CDK17: variants seen among roughly 807,000 people sequenced by gnomAD.
CDK17 encodes cyclin-dependent kinase 17.
In CDK17, 24 loss-of-function variants were observed where a neutral mutation model predicts 77.6. That is an observed-to-expected ratio of 0.31 (90% CI 0.22 to 0.44). CDK17 has a LOEUF of 0.44. Among genes scored for constraint, CDK17 ranks in the 20% least tolerant of loss-of-function variants. The pLI is 1.00. For synonymous variants in CDK17, 203 were observed against 210.4 expected, an observed-to-expected ratio of 0.96 and a Z score of 0.30; for missense variants, 429 against 622.5, an observed-to-expected ratio of 0.69 and a Z score of 3.31.
At chr12:96,331,844 T>C (rs1241601725) in intron 2 of CDK17, among the ~76,000 whole-genome samples, 2 of 152,208 alleles carry the variant, frequency 1.3e-5, no homozygotes, top group Non-Finnish European at 2.9e-5. Flanking sequence ...AGGACTGTGA[T>C]CATGCCTGTG....
intron 3 of CDK17, among the ~76,000 whole-genome samples, chr12:96,323,124 A>T (rs1038951756): frequency 2.0e-5 from 3 of 152,122 alleles, no homozygotes; most frequent in Non-Finnish European, 4.4e-5. Context: ...TTGTACTTGA[A>T]GTGATTTTAA....
At chr12:96,364,033 C>T (rs150161127) in intron 1 of CDK17, among the ~76,000 whole-genome samples, 1,596 of 152,264 alleles carry the variant, frequency 0.01, 49 homozygotes, top group Admixed American at 0.064. Flanking sequence ...CTCTTATACA[C>T]GTAACTTCTT....
At chr12:96,306,880 A>G (rs953348333) in intron 5 of CDK17, among the ~76,000 whole-genome samples, 1 of 152,188 alleles carries the variant, frequency 6.6e-6, no homozygotes, top group African/African-American at 2.4e-5. Context: ...TTTTTAATGT[A>G]TTTCCAAAAA....
chr12:96,334,967 T>G (rs1953022442), intron 1 of CDK17, 102 bp from the exon 2 acceptor site: 2 of 690,266 alleles, frequency 2.9e-6, no homozygotes, highest in Non-Finnish European at 2.6e-6. Flanking sequence ...AGGAATATAA[T>G]GAGGAATTCT....
chr12:96,396,433 G>A (rs1457333912), intron 1 of CDK17, among the ~76,000 whole-genome samples: 1 of 152,186 alleles, frequency 6.6e-6, no homozygotes, highest in Non-Finnish European at 1.5e-5. Context: ...TTGAATGCTA[G>A]TGAACTACAC....
At chr12:96,313,170 A>T (rs1326404531) in intron 4 of CDK17, 151 bp downstream of exon 4, 5 of 484,420 alleles carry the variant, frequency 1.0e-5, no homozygotes, top group Non-Finnish European at 1.8e-5. Context: ...ACAGACTGCA[A>T]TTTATGAATG....
chr12:96,349,170 G>A (rs761815797), intron 1 of CDK17, among the ~76,000 whole-genome samples: 5 of 152,162 alleles, frequency 3.3e-5, no homozygotes, highest in Non-Finnish European at 7.4e-5. Context: ...ATCAATTAAT[G>A]TAGCCAGGCG....
At chr12:96,398,000 A>G (rs1430065260) in intron 1 of CDK17, among the ~76,000 whole-genome samples, 1 of 152,168 alleles carries the variant, frequency 6.6e-6, no homozygotes, top group African/African-American at 2.4e-5. Context: ...ATCAACATTA[A>G]TGTCTCTATA....
chr12:96,317,822 T>C (rs779119507), intron 3 of CDK17, among the ~76,000 whole-genome samples: 196 of 150,238 alleles, frequency 1.3e-3, no homozygotes, highest in Non-Finnish European at 2.3e-3. Context: ...AAGGAACAAC[T>C]GGTACCAGCC....
chr12:96,358,976 G>A (rs1350643148), intron 1 of CDK17, among the ~76,000 whole-genome samples: 1 of 139,834 alleles, frequency 7.2e-6, no homozygotes, highest in Non-Finnish European at 1.6e-5. Flanking sequence ...CTGGTCAGAT[G>A]GCTTTTTTTT....
intron 3 of CDK17, among the ~76,000 whole-genome samples, chr12:96,322,940 T>C (rs1419680803): frequency 3.9e-5 from 6 of 152,152 alleles, no homozygotes; most frequent in Non-Finnish European, 8.8e-5. Context: ...AGATAAAGGC[T>C]ATATGCAGTT....
intron 3 of CDK17, 40 bp from the exon 4 acceptor site, chr12:96,313,494 T>C (rs2137108326): frequency 2.6e-6 from 3 of 1,133,338 alleles, no homozygotes; most frequent in Non-Finnish European, 3.6e-6. Context: ...ATACATTATA[T>C]TCTAATATAT....
chr12:96,359,724 A>G (rs995318332), intron 1 of CDK17, among the ~76,000 whole-genome samples: 11 of 152,218 alleles, frequency 7.2e-5, no homozygotes, highest in African/African-American at 2.4e-4. Context: ...TCAAGAGTAA[A>G]CAAAAATAAA....
In CDK17 at chr12:96,364,554, T is replaced by G. The variant is rs138414566; in HGVS notation, c.-29-29689A>C. 1.1e-3 allele frequency among the ~76,000 whole-genome samples: 168 copies of G among 152,316 alleles called. 1 individual carries two copies. Among genetic ancestry groups the G allele is most frequent in the South Asian group, 5.4e-3 (26 of 4,820 alleles). ...TCATTGAGGACTCCAATCATACTTATGTTCAATCATTTGGCTGTGTTCTGT... is the reference window on the plus strand; with the variant it reads ...TCATTGAGGACTCCAATCATACTTAGGTTCAATCATTTGGCTGTGTTCTGT... On this transcript the variant is annotated intron_variant, in intron 1 of 16. Coordinates refer to ENST00000261211, the MANE Select transcript of CDK17 (RefSeq NM_002595.5).
At position 96,398,664 on chromosome 12, in the gene CDK17, G is replaced by T. The variant is rs180793439; in HGVS notation, c.-30+1322C>A. On this transcript the variant is annotated intron_variant, in intron 1 of 16. Transcript: ENST00000261211. ...CAAAAAAGAAACAGCAAAGTTTGGG[G>T]AAAGAATTGTCTGTCTTTAGGTCAA... is the stretch of plus-strand genomic sequence containing the variant. Among the ~76,000 whole-genome samples the T allele has an allele frequency of 3.3e-5, 5 of 152,348 alleles. No individual in the cohort carries two copies. In the East Asian group the frequency reaches 9.6e-4, roughly 29 times the overall value.
In CDK17 at chr12:96,293,306, G is replaced by A. The variant is rs75486276; in HGVS notation, c.997+1693C>T. Among the ~76,000 whole-genome samples the A allele has an allele frequency of 3.2e-4, 48 of 152,136 alleles. No homozygotes were observed. The East Asian group carries it at 8.3e-3, about 26-fold the overall frequency. On this transcript the variant is annotated intron_variant, in intron 10 of 16. Transcript: ENST00000261211. Reference sequence around the variant, plus strand: ...CTCTCACCTCAGCCTCATAAGTGCTGGGATTACACCCCTGAGCCACTGTGT... The same window carrying A: ...CTCTCACCTCAGCCTCATAAGTGCTAGGATTACACCCCTGAGCCACTGTGT...
Position 96,367,083 on chromosome 12 carries a change from G to A in CDK17, c.-29-32218C>T, listed in dbSNP as rs144204463. Reference sequence around the variant, plus strand: ...CTTATGGCCATGTGCGATGGCTCACGTCTGTAATCCCAGCACTTTGGGAGG... The same window carrying A: ...CTTATGGCCATGTGCGATGGCTCACATCTGTAATCCCAGCACTTTGGGAGG... On this transcript the variant is annotated intron_variant, in intron 1 of 16. Transcript: ENST00000261211. Among the ~76,000 whole-genome samples the A allele has an allele frequency of 3.6e-3, 554 of 152,048 alleles. 1 individual carries two copies. Among genetic ancestry groups the A allele is most frequent in the African/African-American group, 0.012 (515 of 41,494 alleles).
At position 96,323,980 on chromosome 12, in the gene CDK17, A is replaced by G; in HGVS notation, c.251T>C (p.Phe84Ser). 1.2e-6 allele frequency: 2 copies of G among 1,602,358 alleles called. No homozygotes were observed. The highest frequency in any genetic ancestry group is 8.5e-7 in the Non-Finnish European group (1 of 1,174,950). ...HSVIGGSLGS[F>S]MAMPRNGSRL... ...GCTTCCATTTCTGGGCATTGCCATGAAGGAGCCAAGGCTCCCTCCAATAAC... is the reference window on the plus strand; with the variant it reads ...GCTTCCATTTCTGGGCATTGCCATGGAGGAGCCAAGGCTCCCTCCAATAAC... The change falls in exon 3 of 17, where the codon TTC becomes TCC. Residue 84 changes from phenylalanine to serine, a missense_variant. Phe to Ser is a radical substitution (Grantham distance 155, BLOSUM62 -2). Coordinates refer to ENST00000261211, the MANE Select transcript of CDK17 (RefSeq NM_002595.5).
chr12:96,345,287 A>G (rs865988800), intron 1 of CDK17, among the ~76,000 whole-genome samples: 2 of 152,314 alleles, frequency 1.3e-5, no homozygotes, highest in Admixed American at 1.3e-4. Context: ...TGCAATGAAC[A>G]TACACATGCA....
Sources: gnomAD v4.1 joint callset for allele counts (sites outside exome capture counted in the v4.1 genomes callset) on GRCh38, gnomAD v4.1.1 for gene constraint, MANE v1.5 for transcripts, NCBI Gene and HGNC (gene_info 2026-07-23, HGNC 2026-07-21) for gene names.